The following ABI1 variants were observed in gnomAD, a reference collection of about 807,000 sequenced individuals.
ABI1 encodes the protein Abelson interactor 1.
In ABI1, 14 loss-of-function variants were observed where a neutral mutation model predicts 54.6. The observed-to-expected ratio is 0.26, with a 90% CI of 0.17 to 0.40. The LOEUF (loss-of-function observed/expected upper bound fraction) is 0.40. Among genes scored for constraint, ABI1 ranks in the 10% least tolerant of loss-of-function variants. The pLI, the probability that ABI1 is intolerant of heterozygous loss-of-function variation, is 1.00. For synonymous variants in ABI1, 194 were observed against 209.3 expected, an observed-to-expected ratio of 0.93 and a Z score of 0.63; for missense variants, 443 against 598.3, an observed-to-expected ratio of 0.74 and a Z score of 2.71.
intron 2 of ABI1, among the ~76,000 whole-genome samples, chr10:26,800,681 T>C (rs2046492679): frequency 6.6e-6 from 1 of 152,114 alleles, no homozygotes; most frequent in Admixed American, 6.5e-5. Flanking sequence ...CAACGAGCCA[T>C]GACAGGACCA....
intron 1 of ABI1, among the ~76,000 whole-genome samples, chr10:26,853,297 G>GC (rs1240110221): frequency 2.1e-5 from 2 of 95,136 alleles, no homozygotes; most frequent in Admixed American, 1.0e-4. Context: ...TCTCAACAAT[G>GC]CCCTTTTTTT....
At chr10:26,826,417 T>C (rs1172044463) in intron 1 of ABI1, among the ~76,000 whole-genome samples, 1 of 152,198 alleles carries the variant, frequency 6.6e-6, no homozygotes, top group Non-Finnish European at 1.5e-5. Context: ...TTGGTTGTTC[T>C]GGTTAAAGAG....
intron 1 of ABI1, among the ~76,000 whole-genome samples, chr10:26,853,365 A>G (rs532082796): frequency 1.3e-5 from 2 of 151,870 alleles, no homozygotes; most frequent in South Asian, 4.2e-4. Context: ...TAAGATCTAC[A>G]AAGTTTGTAG....
chr10:26,806,717 A>G (rs942337186), intron 2 of ABI1, among the ~76,000 whole-genome samples: 5 of 152,232 alleles, frequency 3.3e-5, no homozygotes, highest in Admixed American at 1.3e-4. Flanking sequence ...TGAATCATAT[A>G]CACCAAACAA....
intron 1 of ABI1, among the ~76,000 whole-genome samples, chr10:26,841,280 T>A (rs1052939750): frequency 6.6e-6 from 1 of 152,148 alleles, no homozygotes; most frequent in Non-Finnish European, 1.5e-5. Flanking sequence ...TTTCATTTTT[T>A]AAATAAATTT....
intron 1 of ABI1, among the ~76,000 whole-genome samples, chr10:26,830,069 G>C (rs1215912308): frequency 6.6e-6 from 1 of 152,136 alleles, no homozygotes; most frequent in African/African-American, 2.4e-5. Flanking sequence ...ACAGTCTTCT[G>C]TATCTGGCTT....
At chr10:26,786,560 C>A (rs1842758162) in intron 2 of ABI1, among the ~76,000 whole-genome samples, 1 of 152,106 alleles carries the variant, frequency 6.6e-6, no homozygotes, top group African/African-American at 2.4e-5. Flanking sequence ...TCTAATAGGT[C>A]CAGCACTAGT....
At chr10:26,778,493 A>G (rs1054281880) in intron 2 of ABI1, among the ~76,000 whole-genome samples, 11 of 150,412 alleles carry the variant, frequency 7.3e-5, no homozygotes, top group African/African-American at 2.7e-4. Context: ...CTGAAGTAGG[A>G]AAAAGAAAAA....
intron 2 of ABI1, among the ~76,000 whole-genome samples, chr10:26,809,710 G>A (rs2047108603): frequency 6.6e-6 from 1 of 152,152 alleles, no homozygotes; most frequent in Non-Finnish European, 1.5e-5. Flanking sequence ...ACTAATTAAT[G>A]TTACTTTTCT....
chr10:26,785,945 C>T (rs186890506), intron 2 of ABI1, among the ~76,000 whole-genome samples: 141 of 152,266 alleles, frequency 9.3e-4, no homozygotes, highest in African/African-American at 3.0e-3. Flanking sequence ...AATGCTAACA[C>T]TCTGCCTCCA....
intron 1 of ABI1, among the ~76,000 whole-genome samples, chr10:26,848,219 A>AC (rs2050131681): frequency 6.7e-6 from 1 of 149,646 alleles, no homozygotes; most frequent in African/African-American, 2.4e-5. Context: ...AAAAAAAAAA[A>AC]AAAGAAGAAG....
chr10:26,776,687 T>C (rs1277379271), intron 3 of ABI1: 1 of 160,120 alleles, frequency 6.2e-6, no homozygotes, highest in African/African-American at 2.4e-5. Flanking sequence ...TATACAAATA[T>C]ATATACATAT....
At chr10:26,839,655 A>AC in intron 1 of ABI1, 12 of 625,358 alleles carry the variant, frequency 1.9e-5, no homozygotes, top group Non-Finnish European at 3.4e-5. Flanking sequence ...TCTGTTTAAA[A>AC]AAAAAAAAAA....
At chr10:26,808,637 C>A (rs540929300) in intron 2 of ABI1, among the ~76,000 whole-genome samples, 1 of 151,456 alleles carries the variant, frequency 6.6e-6, no homozygotes, top group Non-Finnish European at 1.5e-5. Context: ...GCAGGAGAAT[C>A]GCTTGAACGC....
intron 9 of ABI1, among the ~76,000 whole-genome samples, chr10:26,752,932 C>T (rs1837818324): frequency 6.6e-6 from 1 of 152,100 alleles, no homozygotes; most frequent in Non-Finnish European, 1.5e-5. Flanking sequence ...ATAATTCCTG[C>T]AGGGGAGAAG....
At chr10:26,806,117 T>A (rs903685700) in intron 2 of ABI1, among the ~76,000 whole-genome samples, 1 of 152,194 alleles carries the variant, frequency 6.6e-6, no homozygotes, top group Non-Finnish European at 1.5e-5. Flanking sequence ...TCAACTGTTA[T>A]TCCTTCAAGC....
At chr10:26,749,602 G>A (rs1026735831) in intron 10 of ABI1, among the ~76,000 whole-genome samples, 12 of 152,138 alleles carry the variant, frequency 7.9e-5, no homozygotes, top group African/African-American at 1.9e-4. Flanking sequence ...TTCCACTTGC[G>A]GCATCATGTT....
At chr10:26,836,124 T>C (rs1286468310) in intron 1 of ABI1, among the ~76,000 whole-genome samples, 1 of 152,010 alleles carries the variant, frequency 6.6e-6, no homozygotes, top group Non-Finnish European at 1.5e-5. Flanking sequence ...TTGTTTTTTG[T>C]TTTTTTGAGA....
At chr10:26,838,412 G>A (rs552560626) in intron 1 of ABI1, among the ~76,000 whole-genome samples, 1 of 152,260 alleles carries the variant, frequency 6.6e-6, no homozygotes, top group Admixed American at 6.5e-5. Flanking sequence ...AAAGGGAAGA[G>A]GAAGGAGCAG....
Sources: gnomAD v4.1 joint callset for allele counts (sites outside exome capture counted in the v4.1 genomes callset) on GRCh38, gnomAD v4.1.1 for gene constraint, MANE v1.5 for transcripts, NCBI Gene and HGNC (gene_info 2026-07-23, HGNC 2026-07-21) for gene names.